Variants in EDNRB observed in about 807,000 individuals in gnomAD.
EDNRB encodes endothelin receptor type B.
In EDNRB, 18 loss-of-function variants were observed where a neutral mutation model predicts 46.4. The ratio of observed to expected loss-of-function variants is 0.39; its 90% CI spans 0.27 to 0.57. The LOEUF (loss-of-function observed/expected upper bound fraction) is 0.57. Among genes scored for constraint, EDNRB ranks in the 20% least tolerant of loss-of-function variants. EDNRB has a pLI of 0.61. For missense variants in EDNRB, 434 were observed against 537.5 expected, an observed-to-expected ratio of 0.81 and a Z score of 1.90; for synonymous variants, 213 against 204.9, an observed-to-expected ratio of 1.04 and a Z score of -0.34.
chr13:77,934,024 G>T (rs985290659), intron 1 of EDNRB, among the ~76,000 whole-genome samples: 10 of 152,186 alleles, frequency 6.6e-5, no homozygotes, highest in African/African-American at 2.4e-4. Context: ...TGCCAGCAAA[G>T]ATTATTTATT....
chr13:77,957,566 A>G (rs1046805588), intron 1 of EDNRB, among the ~76,000 whole-genome samples: 2 of 152,252 alleles, frequency 1.3e-5, no homozygotes, highest in South Asian at 2.1e-4. Flanking sequence ...GGGAATAACA[A>G]TAATACCTAT....
chr13:77,916,571 AGAAAT>A (rs879584055), intron 1 of EDNRB, among the ~76,000 whole-genome samples: 1 of 152,214 alleles, frequency 6.6e-6, no homozygotes, highest in Admixed American at 6.5e-5. Flanking sequence ...GCTAAACCTC[AGAAAT>A]GTTCGGAATT....
upstream of EDNRB, among the ~76,000 whole-genome samples, chr13:77,920,228 C>T (rs1436591726): frequency 6.6e-6 from 1 of 151,908 alleles, no homozygotes; most frequent in African/African-American, 2.4e-5. Flanking sequence ...AGCTGCCATG[C>T]AAATTCAACA....
Position 77,897,837 on chromosome 13 carries a change from C to T in EDNRB, c.*363G>A. 3 of 1,021,120 alleles carry T rather than the reference C, an allele frequency of 2.9e-6. No homozygotes were observed. Among genetic ancestry groups the T allele is most frequent in the Middle Eastern group, 4.9e-4 (1 of 2,022 alleles). 63.3% of individuals were successfully genotyped at this position (1,021,120 alleles called of 1,614,324 possible). A position where few individuals can be genotyped will look rare whatever the true frequency, so the allele number is the denominator to read the frequency against. ...CTTATTCTTCCTTTATATCAGAGTC[C>T]CATTGATTTAAAAATAAATCTCTTT... is the stretch of plus-strand genomic sequence containing the variant. On this transcript the variant is annotated 3_prime_UTR_variant, in exon 7 of 7. Coordinates refer to ENST00000646607, the MANE Select transcript of EDNRB (RefSeq NM_001122659.3).
At chr13:77,906,927 A>G (rs934569924) in intron 1 of EDNRB, among the ~76,000 whole-genome samples, 1 of 152,042 alleles carries the variant, frequency 6.6e-6, no homozygotes, top group African/African-American at 2.4e-5. Flanking sequence ...TTGAACCCAG[A>G]TGGTCTAGAG....
chr13:77,974,172 T>C (rs1005800930), intron 1 of EDNRB, among the ~76,000 whole-genome samples: 1 of 144,550 alleles, frequency 6.9e-6, no homozygotes, highest in African/African-American at 2.5e-5. Flanking sequence ...TATAGATGGC[T>C]TTTTTTTTCC....
intron 1 of EDNRB, among the ~76,000 whole-genome samples, chr13:77,906,650 T>G (rs886679379): frequency 2.0e-5 from 3 of 151,976 alleles, no homozygotes; most frequent in Non-Finnish European, 4.4e-5. Flanking sequence ...ATTTGCCACG[T>G]CTGTGAATAA....
chr13:77,918,317 G>A lies in EDNRB; in HGVS notation c.257C>T (p.Ser86Phe), dbSNP rs1879919153. The A allele has an allele frequency of 6.2e-7, 1 of 1,614,046 alleles. No homozygotes were observed. The part of the protein sequence containing the change: ...RTAGSPPRTI[S>F]PPPCQGPIEI... ...GATGGGTCCTTGGCACGGGGGAGGG[G>A]AGATGGTGCGTGGCGGAGATCCTGC... is the stretch of plus-strand genomic sequence containing the variant. Residue 86 changes from serine to phenylalanine, a missense_variant, in exon 1 of 7, where the codon TCC becomes TTC. Transcript: ENST00000646607. The surrounding 1 kb of genome is among the most constrained non-coding windows in gnomAD (Gnocchi z 4.5).
chr13:77,949,843 C>T (rs1240814726), intron 1 of EDNRB, among the ~76,000 whole-genome samples: 2 of 152,072 alleles, frequency 1.3e-5, no homozygotes, highest in Non-Finnish European at 2.9e-5. Context: ...TTCCTCTTTG[C>T]CCTGAGAAAC....
chr13:77,944,140 A>C (rs1880833734), intron 1 of EDNRB, among the ~76,000 whole-genome samples: 1 of 152,132 alleles, frequency 6.6e-6, no homozygotes, highest in East Asian at 1.9e-4. Flanking sequence ...TTTTTTCTGG[A>C]TGATAAAATA....
chr13:77,911,688 C>G (rs966443627), intron 1 of EDNRB, among the ~76,000 whole-genome samples: 24 of 152,040 alleles, frequency 1.6e-4, no homozygotes, highest in African/African-American at 5.8e-4. Context: ...TCTCTCCCAT[C>G]CACCACCACA....
chr13:77,965,687 G>A (rs1881560603), intron 1 of EDNRB, among the ~76,000 whole-genome samples: 2 of 152,246 alleles, frequency 1.3e-5, no homozygotes, highest in South Asian at 4.2e-4. Context: ...GCAATAAGGA[G>A]TGGTCAGATT....
At chr13:77,958,924 A>T (rs1405223047) in intron 1 of EDNRB, among the ~76,000 whole-genome samples, 1 of 152,200 alleles carries the variant, frequency 6.6e-6, no homozygotes, top group East Asian at 1.9e-4. Flanking sequence ...ATATGTATTT[A>T]CAAGATGGTT....
chr13:77,963,053 C>A (rs1215155827), intron 1 of EDNRB, among the ~76,000 whole-genome samples: 3 of 152,136 alleles, frequency 2.0e-5, no homozygotes, highest in Admixed American at 6.6e-5. Flanking sequence ...CCTAGGAATC[C>A]AACTTACAAG....
intron 1 of EDNRB, among the ~76,000 whole-genome samples, chr13:77,936,519 T>G (rs969830403): frequency 2.6e-5 from 4 of 152,174 alleles, no homozygotes; most frequent in African/African-American, 9.7e-5. Flanking sequence ...TATCTTCCAC[T>G]GTGAGAATTA....
At chr13:77,957,983 T>A (rs528631423) in intron 1 of EDNRB, among the ~76,000 whole-genome samples, 59 of 152,322 alleles carry the variant, frequency 3.9e-4, no homozygotes, top group Middle Eastern at 3.4e-3. Flanking sequence ...CTTTTTAAAA[T>A]GTTGAGTGAT....
intron 1 of EDNRB, chr13:77,947,533 A>G (rs1880962873): frequency 6.6e-6 from 1 of 151,968 alleles, no homozygotes; most frequent in Admixed American, 6.6e-5. Flanking sequence ...TGCAATAGCT[A>G]TTTACAGGCA....
intron 1 of EDNRB, among the ~76,000 whole-genome samples, chr13:77,941,411 A>G (rs1040123689): frequency 2.0e-5 from 3 of 152,216 alleles, no homozygotes; most frequent in Admixed American, 6.5e-5. Context: ...ATAAATGTAA[A>G]TGACCAGAGT....
At chr13:77,944,932 G>A (rs1880860390) in intron 1 of EDNRB, 1 of 152,204 alleles carries the variant, frequency 6.6e-6, no homozygotes, top group Non-Finnish European at 1.5e-5. Flanking sequence ...TTTTGTTATG[G>A]ATGCCTGGGG....
Sources: allele counts gnomAD v4.1 joint callset (sites outside exome capture counted in the v4.1 genomes callset), GRCh38; gene constraint gnomAD v4.1.1; non-coding constraint Gnocchi (gnomAD v3.1); transcripts MANE v1.5; gene names NCBI Gene and HGNC (gene_info 2026-07-23, HGNC 2026-07-21).